The following ABR variants were observed in gnomAD, a reference collection of about 807,000 sequenced individuals.
ABR encodes the protein active breakpoint cluster region-related protein.
In ABR, 35 loss-of-function variants were observed where a neutral mutation model predicts 107.2. The observed-to-expected ratio is 0.33, with a 90% confidence interval of 0.25 to 0.43. The LOEUF (loss-of-function observed/expected upper bound fraction) is 0.43. Ranked by LOEUF, ABR falls within the 20% of genes least tolerant of loss-of-function variation. ABR has a pLI of 1.00. For missense variants in ABR, 815 were observed against 1,115.2 expected (o/e 0.73, Z 3.83); for synonymous variants, 498 against 462.0 (o/e 1.08, Z -1.00).
chr17:1,088,379 C>T (rs760960644), intron 4 of ABR, among the ~76,000 whole-genome samples: 1 of 151,724 alleles, frequency 6.6e-6, no homozygotes, highest in African/African-American at 2.4e-5. Flanking sequence ...CCGGAGGGAG[C>T]AGGGGGGGGT....
At position 1,070,895 on chromosome 17, in the gene ABR, G is replaced by A. The variant is rs2035186393; in HGVS notation, c.895-805C>T. On this transcript the variant is annotated intron_variant, in intron 8 of 22. Transcript: ENST00000302538. The surrounding 1 kb of genome is among the most constrained non-coding windows in gnomAD (Gnocchi z 4.2). ...AAGATGACCGAGGCCGGGCGCAGTG[G>A]TTCACACCTGTCATCCCAGCAATTT... Among the ~76,000 whole-genome samples, 1 of 152,184 alleles carries A rather than the reference G, an allele frequency of 6.6e-6. No individual in the cohort carries two copies.
intron 1 of ABR, among the ~76,000 whole-genome samples, chr17:1,161,520 A>C (rs1198039704): frequency 6.6e-6 from 1 of 151,732 alleles, no homozygotes; most frequent in African/African-American, 2.4e-5. Context: ...TGCTAGGATA[A>C]CAGGTGTGAG....
At chr17:1,025,385 G>C (rs974179795) in intron 16 of ABR, among the ~76,000 whole-genome samples, 2 of 152,212 alleles carry the variant, frequency 1.3e-5, no homozygotes, top group Non-Finnish European at 2.9e-5. Context: ...TGTCACCTCA[G>C]TTGCGTCACA....
In ABR at chr17:1,027,571, G is replaced by A. The variant is rs1381958135; in HGVS notation, c.1792-14407C>T. On this transcript the variant is annotated intron_variant, in intron 16 of 22. Coordinates refer to ENST00000302538, the MANE Select transcript of ABR (RefSeq NM_021962.5). This position sits in a 1 kb window ranked among gnomAD's most constrained non-coding sequence, Gnocchi z 4.7. Reference sequence around the variant, plus strand: ...TGAGGTCTGCCCACTCGGCAGGTGGGTAAGTGCTGTGGAAAAGAGGGAGGG... The same window carrying A: ...TGAGGTCTGCCCACTCGGCAGGTGGATAAGTGCTGTGGAAAAGAGGGAGGG... Among the ~76,000 whole-genome samples the A allele has an allele frequency of 1.3e-5, 2 of 152,174 alleles. No individual in the cohort carries two copies. The highest frequency in any genetic ancestry group is 6.5e-5 in the Admixed American group (1 of 15,280).
chr17:1,066,312 C>T (rs187271099), intron 10 of ABR, among the ~76,000 whole-genome samples: 12 of 152,296 alleles, frequency 7.9e-5, no homozygotes, highest in Admixed American at 5.2e-4. Context: ...AGGTCCCAAA[C>T]GTGTGTGACA....
At chr17:1,174,356 C>G (rs1326407285) in intron 1 of ABR, among the ~76,000 whole-genome samples, 2 of 152,238 alleles carry the variant, frequency 1.3e-5, no homozygotes, top group Non-Finnish European at 2.9e-5. Flanking sequence ...CAGGCGCTCA[C>G]TAGCACACAC....
At chr17:1,068,632 C>CAG (rs1167779247) in intron 9 of ABR, among the ~76,000 whole-genome samples, 4 of 152,244 alleles carry the variant, frequency 2.6e-5, no homozygotes, top group African/African-American at 9.6e-5. Context: ...GAATGAGCCT[C>CAG]TGCTCAAGGC....
Position 1,092,853 on chromosome 17 carries a change from C to T in ABR, c.346-1003G>A, listed in dbSNP as rs566432977. 6.5e-4 allele frequency among the ~76,000 whole-genome samples: 98 copies of T among 151,092 alleles called. 1 individual carries two copies. Among genetic ancestry groups the T allele is most frequent in the South Asian group, 2.5e-3 (12 of 4,774 alleles). Reference sequence around the variant, plus strand: ...CGTCGAATTCTTTTTTTTTTGGAGACGGAGTCTCGCTCTGTCGCCCAGGCT... The same window carrying T: ...CGTCGAATTCTTTTTTTTTTGGAGATGGAGTCTCGCTCTGTCGCCCAGGCT... On this transcript the variant is annotated intron_variant, in intron 3 of 22. Transcript: ENST00000302538. The surrounding 1 kb of genome is among the most constrained non-coding windows in gnomAD (Gnocchi z 4.6).
In ABR at chr17:1,165,129, G is replaced by C. The variant is rs190232887; in HGVS notation, c.61+14538C>G. Among the ~76,000 whole-genome samples, 14 of 152,340 alleles carry C rather than the reference G, an allele frequency of 9.2e-5. No homozygotes were observed. In the East Asian group the frequency reaches 2.7e-3, roughly 29 times the overall value. ...TAACTTGCTGGAGGTCATAGGCTAA[G>C]CAGGTGTTCAAAGACCAAGCTCCCG... On this transcript the variant is annotated intron_variant, in intron 1 of 22. Coordinates refer to ENST00000302538, the MANE Select transcript of ABR (RefSeq NM_021962.5).
chr17:1,102,878 T>G (rs1341568553), intron 2 of ABR, among the ~76,000 whole-genome samples: 42 of 151,908 alleles, frequency 2.8e-4, no homozygotes, highest in Admixed American at 2.8e-3. Context: ...ACCCACTAAT[T>G]TTTGTATTTT....
At chr17:1,152,247 C>A (rs2040826563) in intron 1 of ABR, among the ~76,000 whole-genome samples, 1 of 150,886 alleles carries the variant, frequency 6.6e-6, no homozygotes, top group Non-Finnish European at 1.5e-5. Flanking sequence ...CGCGCCACTG[C>A]GCTCCAGCCT....
intron 6 of ABR, among the ~76,000 whole-genome samples, chr17:1,076,718 G>GC (rs1163178722): frequency 1.7e-4 from 19 of 112,912 alleles, no homozygotes; most frequent in African/African-American, 6.9e-4. Context: ...GGTGCACGGG[G>GC]GGGGTGGGGG....
At chr17:1,135,125 G>A (rs762561699) in intron 1 of ABR, among the ~76,000 whole-genome samples, 32 of 152,200 alleles carry the variant, frequency 2.1e-4, no homozygotes, top group Non-Finnish European at 4.1e-4. Flanking sequence ...GTGGCACCCA[G>A]TGGGAAACAG....
At chr17:1,034,799 T>A (rs749124949) in intron 16 of ABR, among the ~76,000 whole-genome samples, 1 of 152,012 alleles carries the variant, frequency 6.6e-6, no homozygotes, top group Non-Finnish European at 1.5e-5. Flanking sequence ...TCCCCTTCCC[T>A]CGGGCTGGGT....
At chr17:1,170,496 G>C (rs2041667100) in intron 1 of ABR, among the ~76,000 whole-genome samples, 1 of 152,184 alleles carries the variant, frequency 6.6e-6, no homozygotes, top group African/African-American at 2.4e-5. Flanking sequence ...GAGTGCAACA[G>C]CGTGATCTCA....
intron 21 of ABR, among the ~76,000 whole-genome samples, chr17:1,008,005 T>G (rs2070198522): frequency 6.6e-6 from 1 of 152,156 alleles, no homozygotes; most frequent in Non-Finnish European, 1.5e-5. Context: ...TCCGGAAAGG[T>G]CGGCCTCGTG....
chr17:1,091,107 C>A (rs1238793430), intron 4 of ABR, among the ~76,000 whole-genome samples: 3 of 152,184 alleles, frequency 2.0e-5, no homozygotes, highest in African/African-American at 7.2e-5. Context: ...GCTCTTGGGA[C>A]CTCAGGAGAG....
chr17:1,178,363 A>G (rs1213351174), intron 1 of ABR, among the ~76,000 whole-genome samples: 1 of 152,030 alleles, frequency 6.6e-6, no homozygotes, highest in East Asian at 1.9e-4. Context: ...CAGGAGTTTG[A>G]GACCAGCCTG....
intron 3 of ABR, among the ~76,000 whole-genome samples, chr17:1,096,804 G>A (rs2037475244): frequency 6.9e-6 from 1 of 144,496 alleles, no homozygotes; most frequent in Non-Finnish European, 1.5e-5. Context: ...GGGGGAACCT[G>A]CCCCGGGAGG....
Sources: allele counts gnomAD v4.1 joint callset (sites outside exome capture counted in the v4.1 genomes callset), GRCh38; gene constraint gnomAD v4.1.1; non-coding constraint Gnocchi (gnomAD v3.1); transcripts MANE v1.5; gene names NCBI Gene and HGNC (gene_info 2026-07-23, HGNC 2026-07-21).